Variants in AKAP19 observed in about 807,000 individuals in gnomAD.
AKAP19 encodes small A-kinase anchoring protein.
the AKAP19 span, among the ~76,000 whole-genome samples, chr2:190,114,500 G>A: frequency 6.6e-6 from 1 of 152,204 alleles, no homozygotes; most frequent in Non-Finnish European, 1.5e-5. Context: ...CTGTTGCCCA[G>A]GCGGGAGTCC....
At chr2:190,139,199 G>A in the AKAP19 span, among the ~76,000 whole-genome samples, 17 of 152,308 alleles carry the variant, frequency 1.1e-4, no homozygotes, top group East Asian at 3.1e-3. Flanking sequence ...TTAGATGGTG[G>A]TGAGCTGGTT....
the AKAP19 span, among the ~76,000 whole-genome samples, chr2:190,021,526 C>T: frequency 6.6e-6 from 1 of 152,200 alleles, no homozygotes; most frequent in African/African-American, 2.4e-5. Context: ...AAAGAACTTA[C>T]CATTTGATTG....
chr2:189,910,991 A>G, the AKAP19 span, among the ~76,000 whole-genome samples: 4 of 152,122 alleles, frequency 2.6e-5, no homozygotes, highest in African/African-American at 9.6e-5. Flanking sequence ...GAAATTCCCT[A>G]TATGTTATTT....
the AKAP19 span, among the ~76,000 whole-genome samples, chr2:190,107,485 G>A: frequency 6.6e-6 from 1 of 152,080 alleles, no homozygotes; most frequent in Non-Finnish European, 1.5e-5. Flanking sequence ...GTTGGAAAAG[G>A]AAGTTAAATG....
chr2:190,108,978 T>A, the AKAP19 span, among the ~76,000 whole-genome samples: 1 of 152,182 alleles, frequency 6.6e-6, no homozygotes, highest in Non-Finnish European at 1.5e-5. Flanking sequence ...GATTACTTCA[T>A]AGATGTTGGT....
At chr2:190,052,035 T>A in the AKAP19 span, among the ~76,000 whole-genome samples, 1 of 151,954 alleles carries the variant, frequency 6.6e-6, no homozygotes, top group Non-Finnish European at 1.5e-5. Context: ...GAGACGGTGT[T>A]TCACTGTGTT....
At chr2:190,055,452 A>C in the AKAP19 span, among the ~76,000 whole-genome samples, 1 of 152,198 alleles carries the variant, frequency 6.6e-6, no homozygotes, top group African/African-American at 2.4e-5. Context: ...CACGTTGTGC[A>C]CATGTACCCT....
chr2:190,042,542 C>T, the AKAP19 span, among the ~76,000 whole-genome samples: 14 of 151,290 alleles, frequency 9.3e-5, no homozygotes, highest in Admixed American at 5.9e-4. Context: ...TGTTATTTCT[C>T]GTCTTCTGCT....
chr2:190,072,421 A>G, the AKAP19 span, among the ~76,000 whole-genome samples: 4 of 152,040 alleles, frequency 2.6e-5, no homozygotes, highest in African/African-American at 9.7e-5. Flanking sequence ...AAGTTGAAAT[A>G]AAAAAAATAA....
At chr2:189,975,782 T>C in the AKAP19 span, among the ~76,000 whole-genome samples, 3 of 152,236 alleles carry the variant, frequency 2.0e-5, no homozygotes, top group African/African-American at 7.2e-5. Flanking sequence ...AATCGGCTAC[T>C]GAAGCTTGTG....
chr2:190,142,941 G>A, the AKAP19 span, among the ~76,000 whole-genome samples: 3 of 152,008 alleles, frequency 2.0e-5, no homozygotes, highest in Non-Finnish European at 2.9e-5. Flanking sequence ...ACCAAGGGGT[G>A]GAATATTCAT....
chr2:189,919,707 A>G, the AKAP19 span, among the ~76,000 whole-genome samples: 1 of 152,162 alleles, frequency 6.6e-6, no homozygotes, highest in African/African-American at 2.4e-5. Flanking sequence ...ATGCCCCTGT[A>G]TAGGACATGA....
chr2:190,171,957 A>C, the AKAP19 span, among the ~76,000 whole-genome samples: 84 of 152,294 alleles, frequency 5.5e-4, no homozygotes, highest in South Asian at 2.1e-3. Context: ...AGATCTATTC[A>C]AGAACAATTT....
the AKAP19 span, among the ~76,000 whole-genome samples, chr2:190,045,372 C>G: frequency 6.6e-6 from 1 of 152,004 alleles, no homozygotes; most frequent in Admixed American, 6.6e-5. Flanking sequence ...CCTCTGGAAG[C>G]ACCGTCCCAG....
chr2:190,138,415 T>G, the AKAP19 span, among the ~76,000 whole-genome samples: 1 of 152,242 alleles, frequency 6.6e-6, no homozygotes, highest in African/African-American at 2.4e-5. Flanking sequence ...TAATACTGTT[T>G]GAGTACTTCC....
chr2:190,137,907 T>TATTTGGATTATTTGGATTCC, the AKAP19 span: 2 of 141,754 alleles, frequency 1.4e-5, no homozygotes, highest in African/African-American at 2.5e-5. Context: ...TTTTAGTGAT[T>TATTTGGATTATTTGGATTCC]GACACACCAA....
the AKAP19 span, among the ~76,000 whole-genome samples, chr2:190,191,660 A>G: frequency 6.6e-6 from 1 of 152,176 alleles, no homozygotes; most frequent in Non-Finnish European, 1.5e-5. Flanking sequence ...TACCCATTCT[A>G]ACAGCTACAT....
At chr2:190,000,757 G>T in the AKAP19 span, among the ~76,000 whole-genome samples, 1 of 151,954 alleles carries the variant, frequency 6.6e-6, no homozygotes, top group Non-Finnish European at 1.5e-5. Flanking sequence ...TAATTGTATT[G>T]CTCCTTTGCA....
chr2:189,974,610 G>T, the AKAP19 span, among the ~76,000 whole-genome samples: 1 of 152,168 alleles, frequency 6.6e-6, no homozygotes, highest in African/African-American at 2.4e-5. Context: ...TTGTGTGGGA[G>T]TCTAAGTCTC....
Sources: gnomAD v4.1 joint callset for allele counts (sites outside exome capture counted in the v4.1 genomes callset) on GRCh38, gnomAD v4.1.1 for gene constraint, MANE v1.5 for transcripts, NCBI Gene and HGNC (gene_info 2026-07-23, HGNC 2026-07-21) for gene names.